STS: variants seen among roughly 807,000 people sequenced by gnomAD.
STS encodes steroid sulfatase, also known as steryl-sulfatase.
In STS, 7 loss-of-function variants were observed where a neutral mutation model predicts 26.8. The observed-to-expected ratio is 0.26, with a 90% CI of 0.15 to 0.49. The LOEUF (loss-of-function observed/expected upper bound fraction) is 0.49, where lower values mean the gene tolerates loss of function less well. Ranked by LOEUF, STS falls within the 20% of genes least tolerant of loss-of-function variation. The pLI is 0.98. For missense variants in STS, 434 were observed against 465.6 expected (o/e 0.93, Z 0.63); for synonymous variants, 199 against 189.4 (o/e 1.05, Z -0.42).
chrX:7,329,483 C>T (rs894485539), intron 9 of STS, among the ~76,000 whole-genome samples: 1 of 112,236 alleles, frequency 8.9e-6, no homozygotes, highest in Non-Finnish European at 1.9e-5. Flanking sequence ...TAGACAATAC[C>T]CTCACATCTA....
chrX:7,312,332 C>T (rs1926518203), intron 8 of STS, among the ~76,000 whole-genome samples: 1 of 112,140 alleles, frequency 8.9e-6, no homozygotes, highest in Admixed American at 9.5e-5. Context: ...GCTCGCATCT[C>T]TGATAACTTA....
At chrX:7,320,552 T>G (rs1442490724) in intron 8 of STS, among the ~76,000 whole-genome samples, 1 of 111,987 alleles carries the variant, frequency 8.9e-6, no homozygotes, top group Non-Finnish European at 1.9e-5. Flanking sequence ...TCACTTATTT[T>G]GTTGTTAAAT....
At chrX:7,343,401 C>A (rs752865761) in intron 10 of STS, among the ~76,000 whole-genome samples, 1 of 112,241 alleles carries the variant, frequency 8.9e-6, no homozygotes, top group Non-Finnish European at 1.9e-5. Flanking sequence ...TTGTTTCTTG[C>A]GTAAATTGGC....
intron 7 of STS, among the ~76,000 whole-genome samples, chrX:7,298,140 C>T (rs1458668425): frequency 1.8e-5 from 2 of 111,364 alleles, no homozygotes; most frequent in African/African-American, 6.5e-5. Context: ...CCAATATTCC[C>T]TGCAGTTACA....
chrX:7,288,639 C>CGT (rs58375124), intron 7 of STS, among the ~76,000 whole-genome samples: 7,079 of 89,419 alleles, frequency 0.079, 307 homozygotes, highest in Non-Finnish European at 0.1. Context: ...AAATTCTGTA[C>CGT]GTGTGTGTGT....
At chrX:7,177,546 A>C (rs1445016015) in intron 1 of STS, among the ~76,000 whole-genome samples, 1 of 107,848 alleles carries the variant, frequency 9.3e-6, no homozygotes, top group Non-Finnish European at 1.9e-5. Context: ...ACTGGCTGTT[A>C]CCATGGATAT....
chrX:7,240,133 A>G (rs1922523559), intron 2 of STS, among the ~76,000 whole-genome samples: 2 of 109,303 alleles, frequency 1.8e-5, no homozygotes, highest in South Asian at 8.1e-4. Context: ...TGACCTCCCA[A>G]ATTGCTGAGA....
Position 7,257,245 on chromosome X carries a change from T to C in STS, c.141T>C (p.Thr47=), listed in dbSNP as rs759997236. The change falls in exon 4 of 11, where the codon ACT becomes ACC. Residue 47 remains threonine (T), a synonymous_variant. Transcript: ENST00000674429. ...TGCTATGATTCTTTTGTTCTAGGACTCCCAATATCGACCGGTTGGCCAGTG... is the reference window on the plus strand; with the variant it reads ...TGCTATGATTCTTTTGTTCTAGGACCCCCAATATCGACCGGTTGGCCAGTG... ...PGCYGNKTIR[T]PNIDRLASGG... is the part of the protein sequence containing the mutation. The C allele has an allele frequency of 2.5e-6, 3 of 1,210,821 alleles. No homozygotes were observed. Among genetic ancestry groups the C allele is most frequent in the South Asian group, 1.8e-5 (1 of 56,982 alleles).
chrX:7,147,617 G>A (rs1162218988), upstream of STS, among the ~76,000 whole-genome samples: 1 of 112,408 alleles, frequency 8.9e-6, no homozygotes, highest in Admixed American at 9.3e-5. Context: ...GTATCCTCCA[G>A]GCTACTTTGC....
At chrX:7,205,116 G>C (rs1280067947) in intron 2 of STS, among the ~76,000 whole-genome samples, 2 of 111,657 alleles carry the variant, frequency 1.8e-5, no homozygotes, top group Non-Finnish European at 1.9e-5. Context: ...ATAAGATTTG[G>C]AGTTGTTAGT....
chrX:7,309,902 A>G (rs978072205), intron 8 of STS, among the ~76,000 whole-genome samples: 1 of 111,857 alleles, frequency 8.9e-6, no homozygotes, highest in African/African-American at 3.2e-5. Flanking sequence ...TCAAATGTAT[A>G]CTTTGGATAT....
intron 7 of STS, among the ~76,000 whole-genome samples, chrX:7,288,776 G>A (rs186720217): frequency 3.6e-4 from 39 of 109,440 alleles, no homozygotes; most frequent in African/African-American, 1.2e-3. Context: ...TTAAAACTTG[G>A]GTAGGACAAG....
chrX:7,276,940 T>C (rs890914089), intron 7 of STS, among the ~76,000 whole-genome samples: 1 of 112,187 alleles, frequency 8.9e-6, no homozygotes, highest in Non-Finnish European at 1.9e-5. Flanking sequence ...CCTATGCTTT[T>C]ATTTTGTCTT....
intron 2 of STS, among the ~76,000 whole-genome samples, chrX:7,205,317 T>C (rs1452614921): frequency 1.8e-5 from 2 of 112,046 alleles, no homozygotes; most frequent in Non-Finnish European, 3.8e-5. Flanking sequence ...TCACGTTTTG[T>C]TGTTCCCCCC....
In STS at chrX:7,349,839, T is replaced by C. The variant is rs201924018; in HGVS notation, c.1364-49T>C. The C allele has an allele frequency of 6.6e-6, 8 of 1,207,679 alleles. No homozygotes were observed. In the Admixed American group the frequency reaches 1.5e-4, roughly 23 times the overall value. ...GCATCACTTTTTCATTTGTGGTACA[T>C]ACAAGGATGCTTCATACCTAATGCC... On this transcript the variant is annotated intron_variant, in intron 10 of 10. Transcript: ENST00000674429.
In STS at chrX:7,350,292, G is replaced by A; in HGVS notation, c.*31G>A. On this transcript the variant is annotated 3_prime_UTR_variant, in exon 11 of 11. Coordinates refer to ENST00000674429, the MANE Select transcript of STS (RefSeq NM_001320752.2). The stretch of plus-strand genomic sequence containing the variant: ...CCTGGGGACCAGACAGACGCATGTG[G>A]CAAAGCTCACCATCTTCACTACAAA... 3 of 1,195,003 alleles carry A rather than the reference G, an allele frequency of 2.5e-6. No homozygotes were observed. The highest frequency in any genetic ancestry group is 2.3e-6 in the Non-Finnish European group (2 of 888,306).
At chrX:7,205,140 G>C (rs1934182324) in intron 2 of STS, among the ~76,000 whole-genome samples, 2 of 111,859 alleles carry the variant, frequency 1.8e-5, no homozygotes, top group Admixed American at 9.5e-5. Context: ...ATAGACTTTT[G>C]GGCAATTGCA....
intron 1 of STS, among the ~76,000 whole-genome samples, chrX:7,185,932 C>A (rs1441119255): frequency 1.8e-5 from 2 of 112,453 alleles, no homozygotes; most frequent in Admixed American, 1.9e-4. Flanking sequence ...GACTGTCAAT[C>A]CAAGCTTGCA....
At chrX:7,259,000 A>T (rs1923585826) in intron 5 of STS, among the ~76,000 whole-genome samples, 1 of 109,344 alleles carries the variant, frequency 9.1e-6, no homozygotes, top group African/African-American at 3.3e-5. Context: ...TTTTTATCTG[A>T]TTGGGGTTTT....
Sources: gnomAD v4.1 joint callset for allele counts (sites outside exome capture counted in the v4.1 genomes callset) on GRCh38, gnomAD v4.1.1 for gene constraint, MANE v1.5 for transcripts, NCBI Gene and HGNC (gene_info 2026-07-23, HGNC 2026-07-21) for gene names.